The following PDZD9 variants were observed in gnomAD, a reference collection of about 807,000 sequenced individuals.
The protein encoded by PDZD9 is PDZ domain-containing protein 9.
In PDZD9, 13 loss-of-function variants were observed where a neutral mutation model predicts 16.3. The observed-to-expected ratio is 0.80, with a 90% CI of 0.52 to 1.27. The LOEUF is 1.27. Ranked by LOEUF, PDZD9 falls within the 50% of genes most tolerant of loss-of-function variation. The pLI is 0.00. For missense variants in PDZD9, 288 were observed against 310.9 expected, an observed-to-expected ratio of 0.93 and a Z score of 0.55; for synonymous variants, 120 against 111.0, an observed-to-expected ratio of 1.08 and a Z score of -0.51.
At chr16:21,963,882 TTGAG>T in the PDZD9 span, among the ~76,000 whole-genome samples, 1 of 152,356 alleles carries the variant, frequency 6.6e-6, no homozygotes, top group South Asian at 2.1e-4. Context: ...CTCCTCTTTA[TTGAG>T]TCTTTCCAAA....
At chr16:21,963,257 A>G in the PDZD9 span, 1 of 161,516 alleles carries the variant, frequency 6.2e-6, no homozygotes, top group Non-Finnish European at 1.4e-5. Context: ...TCAGCCTCCC[A>G]AAGTGCTGGT....
At chr16:21,980,729 CA>C, downstream of PDZD9, 1 of 1,610,826 alleles carries the variant, frequency 6.2e-7, no homozygotes, top group Non-Finnish European at 8.5e-7. Context: ...AACGATTTAA[CA>C]ACAGAGAACT....
chr16:21,957,755 AG>A, the PDZD9 span, among the ~76,000 whole-genome samples: 8 of 152,222 alleles, frequency 5.3e-5, no homozygotes, highest in South Asian at 1.4e-3. Context: ...GTCCAAGTCA[AG>A]GTGTCTAAGC....
the PDZD9 span, chr16:21,962,973 A>T: frequency 2.9e-6 from 4 of 1,361,948 alleles, no homozygotes; most frequent in African/African-American, 5.9e-5. Context: ...TGCTGTCAAA[A>T]TTTTTATTTT....
the PDZD9 span, among the ~76,000 whole-genome samples, chr16:21,960,153 C>T: frequency 6.6e-6 from 1 of 152,226 alleles, no homozygotes; most frequent in Admixed American, 6.5e-5. Context: ...TGGACGGCAT[C>T]TTCCAATGTA....
chr16:21,975,957 C>A, the PDZD9 span, among the ~76,000 whole-genome samples: 1 of 152,116 alleles, frequency 6.6e-6, no homozygotes, highest in East Asian at 1.9e-4. Flanking sequence ...TCTTGGGAGG[C>A]TGGGGCAGGA....
downstream of PDZD9, chr16:21,983,260 T>C: frequency 8.3e-7 from 1 of 1,198,306 alleles, no homozygotes; most frequent in Middle Eastern, 2.0e-4. Context: ...TAATATATCA[T>C]TTGTCTTTTT....
At chr16:21,981,036 G>T (rs1898713011), downstream of PDZD9, among the ~76,000 whole-genome samples, 1 of 152,100 alleles carries the variant, frequency 6.6e-6, no homozygotes, top group Non-Finnish European at 1.5e-5. Context: ...TTTATAAAAT[G>T]GGCTTATGTT....
intron 1 of PDZD9, chr16:21,999,244 GC>G: frequency 4.7e-6 from 1 of 213,768 alleles, no homozygotes. Flanking sequence ...GCTCGCTAGG[GC>G]CCAGTGGCAG....
chr16:21,975,308 TG>T, the PDZD9 span, among the ~76,000 whole-genome samples: 1 of 152,070 alleles, frequency 6.6e-6, no homozygotes, highest in Admixed American at 6.6e-5. Context: ...CTAGAGATCT[TG>T]ATAAAGTGGA....
At chr16:21,980,857 C>T (rs1898707921), downstream of PDZD9, among the ~76,000 whole-genome samples, 1 of 152,112 alleles carries the variant, frequency 6.6e-6, no homozygotes, top group Non-Finnish European at 1.5e-5. Context: ...CCCATAAGAT[C>T]CGCAACAAGC....
chr16:21,960,039 A>G, the PDZD9 span, among the ~76,000 whole-genome samples: 1 of 152,202 alleles, frequency 6.6e-6, no homozygotes, highest in Non-Finnish European at 1.5e-5. Context: ...AGAATGGTAA[A>G]TGACCTCATC....
downstream of PDZD9, chr16:21,983,196 G>C (rs1898778708): frequency 2.5e-6 from 4 of 1,599,276 alleles, no homozygotes; most frequent in East Asian, 2.2e-5. Context: ...TTACAGGAGA[G>C]AGCTGAACGT....
downstream of PDZD9, among the ~76,000 whole-genome samples, chr16:21,981,532 T>C (rs1354605456): frequency 6.6e-6 from 1 of 152,040 alleles, no homozygotes; most frequent in Non-Finnish European, 1.5e-5. Context: ...GGTGGGCAGA[T>C]TGCTTGAGCC....
intron 2 of PDZD9, among the ~76,000 whole-genome samples, chr16:21,995,717 C>G (rs1899132298): frequency 6.6e-6 from 1 of 152,000 alleles, no homozygotes; most frequent in Admixed American, 6.5e-5. Context: ...CCTGCCTGAG[C>G]CTCCTGAGTA....
At chr16:21,972,250 G>A in the PDZD9 span, 1 of 1,240,432 alleles carries the variant, frequency 8.1e-7, no homozygotes, top group East Asian at 2.6e-5. Flanking sequence ...TGAAGAGATA[G>A]CCAGGCTTGA....
downstream of PDZD9, chr16:21,982,963 CAAAAAAAAAA>C (rs1036084484): frequency 7.4e-6 from 4 of 537,720 alleles, no homozygotes; most frequent in Admixed American, 4.4e-5. Context: ...GACTCCACCT[CAAAAAAAAAA>C]AAAAAAAAAA....
At chr16:21,988,003 CT>C (rs773101505) in intron 3 of PDZD9, among the ~76,000 whole-genome samples, 4,025 of 100,630 alleles carry the variant, frequency 0.04, 73 homozygotes, top group African/African-American at 0.12. Context: ...GCAAGAAGCA[CT>C]TTTTTTTTTT....
chr16:21,988,429 C>T (rs1898935455), intron 3 of PDZD9, among the ~76,000 whole-genome samples, 173 bp downstream of exon 3: 1 of 152,144 alleles, frequency 6.6e-6, no homozygotes, highest in Non-Finnish European at 1.5e-5. Flanking sequence ...CGTGCTTTCT[C>T]ATATTAGATC....
Sources: gnomAD v4.1 joint callset for allele counts (sites outside exome capture counted in the v4.1 genomes callset) on GRCh38, gnomAD v4.1.1 for gene constraint, MANE v1.5 for transcripts, NCBI Gene and HGNC (gene_info 2026-07-23, HGNC 2026-07-21) for gene names.